Variants in SUMF1 observed in about 807,000 individuals in gnomAD.
The protein encoded by SUMF1 is formylglycine-generating enzyme.
SUMF1 carries 48 observed loss-of-function variants against 47.6 expected under a neutral mutation model. That is an observed-to-expected ratio of 1.01 (90% CI 0.80 to 1.28). The LOEUF (loss-of-function observed/expected upper bound fraction) is 1.28. Among genes scored for constraint, SUMF1 ranks in the 50% most tolerant of loss-of-function variants. The pLI, the probability that SUMF1 is intolerant of heterozygous loss-of-function variation, is 0.00. For missense variants in SUMF1, 571 were observed against 485.4 expected (o/e 1.18, Z -1.66); for synonymous variants, 230 against 192.1 (o/e 1.20, Z -1.63).
intron 7 of SUMF1, among the ~76,000 whole-genome samples, chr3:4,389,244 A>C (rs778206582): frequency 9.2e-5 from 14 of 152,154 alleles, no homozygotes; most frequent in Non-Finnish European, 2.1e-4. Context: ...CTGGGTTAAC[A>C]ATACTTTTCT....
At chr3:4,242,219 A>C (rs1696553860) in intron 8 of SUMF1, among the ~76,000 whole-genome samples, 1 of 152,210 alleles carries the variant, frequency 6.6e-6, no homozygotes. Flanking sequence ...TGTCATCTGC[A>C]AACAGGGACA....
chr3:4,280,701 G>A (rs532671412), intron 8 of SUMF1, among the ~76,000 whole-genome samples: 1 of 152,278 alleles, frequency 6.6e-6, no homozygotes, highest in South Asian at 2.1e-4. Flanking sequence ...TGCGTGCTGG[G>A]CTCTGTTCCC....
rs1477482340 is a variant in SUMF1 at position 4,228,135 on chromosome 3, T to C, written c.1014+148195A>G. ...GAGAGAGGTAGTTGGGGTTGGACCA[T>C]GCAGACTATGTGGATGACTTTGTAA... On this transcript the variant is annotated intron_variant and NMD_transcript_variant, in intron 8 of 12. Transcript: ENST00000448413. Among the ~76,000 whole-genome samples, 6 of 152,190 alleles carry C rather than the reference T, an allele frequency of 3.9e-5. No individual in the cohort carries two copies. In the East Asian group the frequency reaches 1.2e-3, roughly 30 times the overall value.
chr3:4,153,670 T>G (rs1694389776), intron 8 of SUMF1, among the ~76,000 whole-genome samples: 1 of 151,474 alleles, frequency 6.6e-6, no homozygotes, highest in Non-Finnish European at 1.5e-5. Flanking sequence ...GGATTTCAGT[T>G]AAAAACTGGT....
At chr3:4,079,085 C>T (rs1692502831) in intron 8 of SUMF1, among the ~76,000 whole-genome samples, 1 of 152,048 alleles carries the variant, frequency 6.6e-6, no homozygotes, top group African/African-American at 2.4e-5. Context: ...CGTGAGTCGC[C>T]TCACAGTCCC....
chr3:4,262,422 T>C (rs1002727933), intron 8 of SUMF1, among the ~76,000 whole-genome samples: 2 of 152,116 alleles, frequency 1.3e-5, no homozygotes, highest in Non-Finnish European at 2.9e-5. Flanking sequence ...TGTGCCAAAG[T>C]GGTCAAAGCA....
At chr3:4,415,351 G>A (rs1701677987) in intron 6 of SUMF1, among the ~76,000 whole-genome samples, 1 of 152,028 alleles carries the variant, frequency 6.6e-6, no homozygotes, top group African/African-American at 2.4e-5. Flanking sequence ...ATGAGCATAT[G>A]ATTATGCCAA....
intron 8 of SUMF1, among the ~76,000 whole-genome samples, chr3:4,275,301 G>T (rs1377561482): frequency 6.6e-6 from 1 of 152,172 alleles, no homozygotes; most frequent in African/African-American, 2.4e-5. Context: ...CACAGGCAGA[G>T]AAATTGCAGA....
chr3:4,381,291 G>C (rs971902362), intron 7 of SUMF1, among the ~76,000 whole-genome samples: 1 of 152,158 alleles, frequency 6.6e-6, no homozygotes, highest in African/African-American at 2.4e-5. Context: ...AAGCTACGAG[G>C]ATGCAAAGGC....
intron 8 of SUMF1, among the ~76,000 whole-genome samples, chr3:4,138,332 A>G (rs1005718091): frequency 1.3e-5 from 2 of 152,124 alleles, no homozygotes; most frequent in Non-Finnish European, 2.9e-5. Flanking sequence ...GCTGATCTCT[A>G]CATCTCTGGG....
rs1199852328 is a variant in SUMF1, at chr3:4,313,355, T to A, written c.1014+62975A>T. ...AGGGAACATGTTTATAATGGGCAGG[T>A]AATGGAAACATTTGTTGACCCTACT... On this transcript the variant is annotated intron_variant and NMD_transcript_variant, in intron 8 of 12. Transcript: ENST00000448413. 1.2e-6 allele frequency: 2 copies of A among 1,614,020 alleles called. No individual in the cohort carries two copies. The highest frequency in any genetic ancestry group is 4.5e-5 in the East Asian group (2 of 44,882).
At chr3:4,045,770 T>C (rs886806819) in intron 9 of SUMF1, among the ~76,000 whole-genome samples, 2 of 152,138 alleles carry the variant, frequency 1.3e-5, no homozygotes, top group African/African-American at 4.8e-5. Context: ...CCAAATATGG[T>C]GTTCTTCACA....
At chr3:4,173,919 C>G (rs1694895436) in intron 8 of SUMF1, among the ~76,000 whole-genome samples, 1 of 152,022 alleles carries the variant, frequency 6.6e-6, no homozygotes. Flanking sequence ...AGGAGAAATA[C>G]CTAATGTAAG....
intron 1 of SUMF1, 55 bp downstream of exon 1, chr3:4,466,921 A>G: frequency 6.3e-7 from 1 of 1,585,478 alleles, no homozygotes; most frequent in Non-Finnish European, 8.6e-7. Context: ...GCCTACTCCA[A>G]CCCCGTCCAG....
intron 8 of SUMF1, among the ~76,000 whole-genome samples, chr3:4,322,529 G>A (rs1446189768): frequency 6.6e-6 from 1 of 151,998 alleles, no homozygotes; most frequent in Admixed American, 6.6e-5. Flanking sequence ...GTGCATGCCT[G>A]CATGCCTTCA....
chr3:4,084,691 A>G (rs1692635948), intron 8 of SUMF1, among the ~76,000 whole-genome samples: 1 of 152,134 alleles, frequency 6.6e-6, no homozygotes, highest in African/African-American at 2.4e-5. Flanking sequence ...TATTAGCAAT[A>G]TTACTTTGTA....
chr3:4,331,412 G>A (rs1699049657), intron 8 of SUMF1, among the ~76,000 whole-genome samples: 1 of 152,072 alleles, frequency 6.6e-6, no homozygotes, highest in Admixed American at 6.5e-5. Flanking sequence ...TTAACTTTTA[G>A]TAACTCTTAT....
At chr3:4,115,758 G>A (rs1693408283) in intron 8 of SUMF1, among the ~76,000 whole-genome samples, 1 of 152,092 alleles carries the variant, frequency 6.6e-6, no homozygotes. Flanking sequence ...ATTTCTGAAT[G>A]AAATGGTCTT....
chr3:4,332,998 A>G (rs961450604), intron 8 of SUMF1, among the ~76,000 whole-genome samples: 1 of 152,186 alleles, frequency 6.6e-6, no homozygotes, highest in African/African-American at 2.4e-5. Flanking sequence ...CTGGATGGCC[A>G]AACTCCAGGG....
Sources: gnomAD v4.1 joint callset for allele counts (sites outside exome capture counted in the v4.1 genomes callset) on GRCh38, gnomAD v4.1.1 for gene constraint, MANE v1.5 for transcripts, NCBI Gene and HGNC (gene_info 2026-07-23, HGNC 2026-07-21) for gene names.